CDH18: variants seen among roughly 807,000 people sequenced by gnomAD.
The protein encoded by CDH18 is cadherin 18, also known as cadherin-18.
CDH18 carries 31 observed loss-of-function variants against 67.9 expected under a neutral mutation model. The observed-to-expected ratio is 0.46, with a 90% confidence interval of 0.34 to 0.62. The LOEUF is 0.62. Among genes scored for constraint, CDH18 ranks in the 20% least tolerant of loss-of-function variants. CDH18 has a pLI of 0.01. For missense variants in CDH18, 890 were observed against 975.5 expected (o/e 0.91, Z 1.17); for synonymous variants, 362 against 347.2 (o/e 1.04, Z -0.48).
intron 7 of CDH18, among the ~76,000 whole-genome samples, chr5:19,580,740 A>G (rs1743110689): frequency 6.6e-6 from 1 of 151,990 alleles, no homozygotes. Flanking sequence ...CCTTATGGAC[A>G]ACAGTCTGTA....
intron 5 of CDH18, among the ~76,000 whole-genome samples, chr5:19,675,686 A>T (rs1356304267): frequency 6.6e-6 from 1 of 152,008 alleles, no homozygotes; most frequent in African/African-American, 2.4e-5. Flanking sequence ...TGCATTTAAC[A>T]CAATCATCAC....
Position 20,566,365 on chromosome 5 carries a change from T to TC in CDH18, c.-580+9096_-580+9097insG, listed in dbSNP as rs1268772297. ...TCTTGATTTTTTTTCTTTTTCTTTT[T>TC]TTTTTTTTTTTTTGAGATAGAGTCT... On this transcript the variant is annotated intron_variant, in intron 1 of 14. Transcript: ENST00000507958. 2.9e-3 allele frequency among the ~76,000 whole-genome samples: 420 copies of TC among 145,748 alleles called. 5 individuals are homozygous for TC. Among genetic ancestry groups the TC allele is most frequent in the South Asian group, 9.5e-3 (43 of 4,530 alleles).
chr5:20,300,909 A>G (rs977981563), intron 1 of CDH18, among the ~76,000 whole-genome samples: 1 of 152,226 alleles, frequency 6.6e-6, no homozygotes, highest in Non-Finnish European at 1.5e-5. Flanking sequence ...TGGAATATGT[A>G]AAAAATAAAA....
intron 9 of CDH18, among the ~76,000 whole-genome samples, chr5:19,521,208 A>T (rs959103554): frequency 5.9e-5 from 9 of 152,116 alleles, no homozygotes; most frequent in African/African-American, 2.2e-4. Flanking sequence ...ACAAAAAATA[A>T]ATTTCTTTAC....
intron 5 of CDH18, among the ~76,000 whole-genome samples, chr5:19,655,925 A>G (rs1046704462): frequency 1.3e-5 from 2 of 150,992 alleles, no homozygotes; most frequent in Admixed American, 6.6e-5. Flanking sequence ...ATGAAAGCAA[A>G]TTGATTCTGC....
At chr5:19,480,524 C>T (rs1454806781) in intron 12 of CDH18, among the ~76,000 whole-genome samples, 1 of 151,596 alleles carries the variant, frequency 6.6e-6, no homozygotes, top group Non-Finnish European at 1.5e-5. Context: ...ACTACAGGCG[C>T]CCGCCACCAA....
At chr5:19,591,434 T>C (rs1000571483) in intron 6 of CDH18, among the ~76,000 whole-genome samples, 190 bp from the exon 7 acceptor site, 1 of 152,264 alleles carries the variant, frequency 6.6e-6, no homozygotes, top group African/African-American at 2.4e-5. Flanking sequence ...CTTTAAAAGG[T>C]ACGTAAAATA....
chr5:19,692,757 A>C (rs1405820669), intron 5 of CDH18, among the ~76,000 whole-genome samples: 1 of 151,920 alleles, frequency 6.6e-6, no homozygotes, highest in East Asian at 1.9e-4. Flanking sequence ...TGCAGAGAAT[A>C]GGGAACTCTT....
intron 5 of CDH18, among the ~76,000 whole-genome samples, chr5:19,683,565 T>C (rs1760641125): frequency 6.6e-6 from 1 of 152,072 alleles, no homozygotes; most frequent in South Asian, 2.1e-4. Context: ...ACCTTACTTG[T>C]TTTGTGATTT....
chr5:20,001,734 A>G (rs1736456284), intron 2 of CDH18, among the ~76,000 whole-genome samples: 1 of 152,238 alleles, frequency 6.6e-6, no homozygotes, highest in Admixed American at 6.5e-5. Context: ...CTTGCGTTGT[A>G]TAAGCCCAGG....
Position 20,176,198 on chromosome 5 carries a change from TG to T in CDH18, c.-518+79245del, listed in dbSNP as rs1334720840. 2.0e-5 allele frequency among the ~76,000 whole-genome samples: 3 copies of T among 152,276 alleles called. No individual in the cohort carries two copies. In the East Asian group the frequency reaches 5.8e-4, roughly 29 times the overall value. Reference sequence around the variant, plus strand: ...ATGACTCCATCAAGTCAAGCCTCTCTGGGACTTCACCGATCTGGGTCAGGTT... The same window carrying T: ...ATGACTCCATCAAGTCAAGCCTCTCTGGACTTCACCGATCTGGGTCAGGTT... On this transcript the variant is annotated intron_variant, in intron 2 of 14. Transcript: ENST00000507958.
chr5:20,304,220 G>A, intron 1 of CDH18: 2 of 1,508,778 alleles, frequency 1.3e-6, no homozygotes, highest in South Asian at 1.1e-5. Flanking sequence ...CATATTGGGT[G>A]GAATCAGAGC....
rs556121463 is a variant in CDH18, at chr5:19,571,840, G to GA, written c.1000-9dup. ...TTTCTCATAGTTCAGTGGCTGTGGG[G>GA]AAAAAAAATAAGATTATGACTTTTA... On this transcript the variant is annotated splice_polypyrimidine_tract_variant and intron_variant, in intron 7 of 12. Coordinates refer to ENST00000382275, the MANE Select transcript of CDH18 (RefSeq NM_004934.5). 1.5e-5 allele frequency: 24 copies of GA among 1,586,918 alleles called. No homozygotes were observed. Among genetic ancestry groups the GA allele is most frequent in the African/African-American group, 2.7e-5 (2 of 73,514 alleles).
chr5:20,234,452 T>C (rs1372566486), intron 2 of CDH18, among the ~76,000 whole-genome samples: 7 of 152,126 alleles, frequency 4.6e-5, no homozygotes, highest in Non-Finnish European at 4.4e-5. Context: ...CCCATGAATG[T>C]GATTGATGCT....
chr5:19,962,395 A>AAAAAAAAAAAAAAAAAAAAAAAAT (rs58319680), intron 2 of CDH18, among the ~76,000 whole-genome samples: 2 of 117,058 alleles, frequency 1.7e-5, no homozygotes, highest in African/African-American at 6.3e-5. Flanking sequence ...AAAAAAAAAA[A>AAAAAAAAAAAAAAAAAAAAAAAAT]AGAAAATTCA....
chr5:19,825,149 C>A (rs1198381974), intron 3 of CDH18, among the ~76,000 whole-genome samples: 1 of 151,958 alleles, frequency 6.6e-6, no homozygotes, highest in Non-Finnish European at 1.5e-5. Flanking sequence ...TCCAGCATTC[C>A]CACTTCTGTG....
chr5:20,133,691 T>C (rs1321095018), intron 2 of CDH18, among the ~76,000 whole-genome samples: 2 of 152,072 alleles, frequency 1.3e-5, no homozygotes, highest in African/African-American at 2.4e-5. Context: ...ATATTTTTCT[T>C]TATATTATAA....
At chr5:20,222,815 T>C (rs915199546) in intron 2 of CDH18, among the ~76,000 whole-genome samples, 1 of 152,082 alleles carries the variant, frequency 6.6e-6, no homozygotes, top group African/African-American at 2.4e-5. Context: ...TTTCTGACAG[T>C]TCTTTAAATA....
intron 2 of CDH18, among the ~76,000 whole-genome samples, chr5:19,914,024 G>A (rs1422144863): frequency 6.6e-6 from 1 of 152,084 alleles, no homozygotes; most frequent in African/African-American, 2.4e-5. Flanking sequence ...GGATCATAGA[G>A]CAGATAGTGT....
Sources: allele counts gnomAD v4.1 joint callset (sites outside exome capture counted in the v4.1 genomes callset), GRCh38; gene constraint gnomAD v4.1.1; transcripts MANE v1.5; gene names NCBI Gene and HGNC (gene_info 2026-07-23, HGNC 2026-07-21).